BTBD8: variants seen among roughly 807,000 people sequenced by gnomAD.
The protein encoded by BTBD8 is BTB domain containing 8.
A neutral mutation model predicts 162.9 loss-of-function variants in BTBD8; 110 were observed. The ratio of observed to expected loss-of-function variants is 0.68; its 90% CI spans 0.58 to 0.79. The LOEUF is 0.79. BTBD8 is among the 30% of genes least tolerant of loss of function. The pLI is 0.00. For synonymous variants in BTBD8, 667 were observed against 716.1 expected (o/e 0.93, Z 1.10); for missense variants, 1,905 against 2,085.4 (o/e 0.91, Z 1.68).
intron 7 of BTBD8, among the ~76,000 whole-genome samples, chr1:92,144,755 G>A (rs981249022): frequency 6.0e-5 from 9 of 150,648 alleles, no homozygotes; most frequent in African/African-American, 1.5e-4. Flanking sequence ...AGGCTGCAGC[G>A]AGCCATGGTC....
chr1:92,139,678 T>A, intron 6 of BTBD8: 1 of 672,804 alleles, frequency 1.5e-6, no homozygotes, highest in Non-Finnish European at 2.0e-6. Flanking sequence ...GAAGAAGCTA[T>A]AAATTATGGT....
chr1:92,173,920 CAGGGAA>C (rs1650629531), intron 13 of BTBD8, among the ~76,000 whole-genome samples: 1 of 151,998 alleles, frequency 6.6e-6, no homozygotes, highest in Non-Finnish European at 1.5e-5. Context: ...TCAGATAAGA[CAGGGAA>C]AGAGGTTTTT....
rs565156 is a variant in BTBD8 at position 92,181,975 on chromosome 1, C to T, written c.4292C>T (p.Thr1431Ile). The change falls in exon 17 of 18, where the codon ACT (threonine) becomes ATT (isoleucine). Residue 1431 changes from threonine to isoleucine, a missense_variant. This residue lies in a region of BTBD8 where 517 missense variants were observed against 606.6 expected (regional missense o/e 0.85). Coordinates refer to ENST00000636805, the MANE Select transcript of BTBD8 (RefSeq NM_001376131.1). ...TENECREFSATKKFKRSVLLS... is the reference protein window; with the variant it reads ...TENECREFSAIKKFKRSVLLS... The stretch of plus-strand genomic sequence containing the variant: ...AATGAATGTCGTGAATTTTCTGCAA[C>T]TAAAAAGTTTAAAAGGTCAGTTTTA... 1 of 1,551,638 alleles carries T rather than the reference C, an allele frequency of 6.4e-7. No homozygotes were observed.
In BTBD8 at chr1:92,095,236, G is replaced by A. The variant is rs143205347; in HGVS notation, c.347+6341G>A. The stretch of plus-strand genomic sequence containing the variant: ...CCTATAGCCAAGTACCAGACAAGTA[G>A]GGATCACTCCCATAGGCCAGAGCCA... On this transcript the variant is annotated intron_variant, in intron 2 of 17. Transcript: ENST00000636805. Among the ~76,000 whole-genome samples, 344 of 152,210 alleles carry A rather than the reference G, an allele frequency of 2.3e-3. 3 individuals carry two copies. The highest frequency in any genetic ancestry group is 0.01 in the Middle Eastern group (3 of 294).
At chr1:92,133,325 G>A (rs1468767904) in intron 5 of BTBD8, among the ~76,000 whole-genome samples, 1 of 152,114 alleles carries the variant, frequency 6.6e-6, no homozygotes, top group Non-Finnish European at 1.5e-5. Context: ...GATACAGTAA[G>A]GAAAGAAACT....
At chr1:92,107,742 T>C (rs1030102173) in intron 3 of BTBD8, 142 bp from the exon 4 acceptor site, 9 of 654,486 alleles carry the variant, frequency 1.4e-5, no homozygotes, top group African/African-American at 1.3e-4. Context: ...ATTTAAACTT[T>C]TTGTTTTATT....
rs71091265 is a variant in BTBD8, at chr1:92,175,477, C to CAAAAAAAA, written c.1636-1337_1636-1330dup. Among the ~76,000 whole-genome samples, 90 of 37,396 alleles carry CAAAAAAAA rather than the reference C, an allele frequency of 2.4e-3. 2 individuals are homozygous for CAAAAAAAA. Among genetic ancestry groups the CAAAAAAAA allele is most frequent in the East Asian group, 6.1e-3 (5 of 818 alleles). The allele number at this position is 37,396 out of a possible 152,430, so 24.5% of individuals were successfully genotyped here. ...CTGGCAACAGAGCAAGACTCCATCT[C>CAAAAAAAA]AAAAAAAAAAAAAAAAAAAAAAGAA... On this transcript the variant is annotated intron_variant, in intron 13 of 17. Transcript: ENST00000636805.
intron 17 of BTBD8, 111 bp from the exon 18 acceptor site, chr1:92,183,753 G>GTA: frequency 2.0e-6 from 1 of 498,274 alleles, no homozygotes; most frequent in Non-Finnish European, 3.0e-6. Flanking sequence ...TTCCCATTCT[G>GTA]TGTTTTTTTT....
intron 9 of BTBD8, among the ~76,000 whole-genome samples, chr1:92,158,412 A>G (rs1222100921): frequency 6.6e-6 from 1 of 151,792 alleles, no homozygotes; most frequent in Non-Finnish European, 1.5e-5. Flanking sequence ...TTTTGTTTAT[A>G]ATTACCATGG....
At chr1:92,127,316 G>T (rs1054230903) in intron 4 of BTBD8, among the ~76,000 whole-genome samples, 1 of 152,126 alleles carries the variant, frequency 6.6e-6, no homozygotes, top group East Asian at 1.9e-4. Flanking sequence ...CTACACTCCT[G>T]GTTGTTAATT....
chr1:92,123,082 G>A (rs1445543551), intron 4 of BTBD8, among the ~76,000 whole-genome samples: 1 of 152,116 alleles, frequency 6.6e-6, no homozygotes, highest in East Asian at 1.9e-4. Flanking sequence ...TGTTGTTCCA[G>A]TACCTTTTGA....
chr1:92,158,607 G>A (rs1650212991), intron 9 of BTBD8, among the ~76,000 whole-genome samples: 1 of 151,824 alleles, frequency 6.6e-6, no homozygotes, highest in Admixed American at 6.6e-5. Context: ...TTATCTTTTA[G>A]CTTATATGCA....
At chr1:92,101,527 C>T (rs1001707791) in intron 2 of BTBD8, among the ~76,000 whole-genome samples, 1 of 152,234 alleles carries the variant, frequency 6.6e-6, no homozygotes, top group Non-Finnish European at 1.5e-5. Flanking sequence ...CCACCTGCCA[C>T]ACAGTCCCCC....
chr1:92,164,926 A>G (rs1650351749), intron 9 of BTBD8, among the ~76,000 whole-genome samples: 1 of 151,870 alleles, frequency 6.6e-6, no homozygotes, highest in Admixed American at 6.6e-5. Flanking sequence ...TGCTGGGATT[A>G]CAGGTGTGAG....
intron 13 of BTBD8, among the ~76,000 whole-genome samples, chr1:92,173,253 G>A (rs963375185): frequency 5.3e-5 from 8 of 152,178 alleles, no homozygotes; most frequent in African/African-American, 1.9e-4. Flanking sequence ...GACCGACGAT[G>A]CATATTATAC....
chr1:92,170,848 A>C (rs1305495252), intron 12 of BTBD8, among the ~76,000 whole-genome samples: 4 of 137,302 alleles, frequency 2.9e-5, no homozygotes, highest in African/African-American at 5.7e-5. Context: ...ATTTTTATTT[A>C]ATTATAAAAA....
intron 9 of BTBD8, among the ~76,000 whole-genome samples, chr1:92,156,070 G>T (rs1426906160): frequency 1.3e-5 from 2 of 152,066 alleles, no homozygotes; most frequent in Non-Finnish European, 2.9e-5. Context: ...TGGGCTTGTG[G>T]CCTCTATTAT....
At chr1:92,138,640 AGTT>A (rs1185238624) in intron 5 of BTBD8, among the ~76,000 whole-genome samples, 2 of 152,230 alleles carry the variant, frequency 1.3e-5, no homozygotes, top group African/African-American at 2.4e-5. Context: ...ACTGATAACC[AGTT>A]GTTGTCCACC....
intron 9 of BTBD8, among the ~76,000 whole-genome samples, chr1:92,161,670 A>G (rs1012150633): frequency 6.6e-6 from 1 of 152,204 alleles, no homozygotes; most frequent in Non-Finnish European, 1.5e-5. Context: ...ATGTCAGACC[A>G]TTTTCTACCT....
Sources: gnomAD v4.1 joint callset for allele counts (sites outside exome capture counted in the v4.1 genomes callset) on GRCh38, gnomAD v4.1.1 for gene constraint, gnomAD v4.1.1 regional missense constraint, MANE v1.5 for transcripts, NCBI Gene and HGNC (gene_info 2026-07-23, HGNC 2026-07-21) for gene names.